FMN2: variants seen among roughly 807,000 people sequenced by gnomAD.
FMN2 encodes the protein formin 2.
Under a neutral mutation model 142.3 loss-of-function variants are expected in FMN2, and 51 were observed. The observed-to-expected ratio is 0.36, with a 90% CI of 0.29 to 0.45. The LOEUF is 0.45. FMN2 is among the 20% of genes least tolerant of loss of function. The pLI is 1.00. For missense variants in FMN2, 1,936 were observed against 2,122.8 expected, an observed-to-expected ratio of 0.91 and a Z score of 1.73; for synonymous variants, 882 against 869.8, an observed-to-expected ratio of 1.01 and a Z score of -0.25.
Position 240,103,262 on chromosome 1 carries a change from C to A in FMN2, c.1615+9538C>A, listed in dbSNP as rs78239525. 3.6e-4 allele frequency among the ~76,000 whole-genome samples: 55 copies of A among 152,314 alleles called. No homozygotes were observed. The East Asian group carries it at 0.01, about 28-fold the overall frequency. On this transcript the variant is annotated intron_variant, in intron 1 of 17. Coordinates refer to ENST00000319653, the MANE Select transcript of FMN2 (RefSeq NM_020066.5). ...ATCATCTGCTTTTGGATAATAAAAG[C>A]TAGGCATGTGGCTTTAGCTTTAGCT...
At chr1:240,144,340 A>G (rs1013128087) in intron 2 of FMN2, 2 of 1,606,260 alleles carry the variant, frequency 1.2e-6, no homozygotes, top group Non-Finnish European at 8.5e-7. Flanking sequence ...TGTAGATGTC[A>G]TCAGGCACCT....
chr1:240,093,537 G>A lies in FMN2; in HGVS notation c.1428G>A (p.Ala476=), dbSNP rs374209120. Residue 476 remains alanine, a synonymous_variant, in exon 1 of 18, where the codon GCG becomes GCA. Transcript: ENST00000319653. The part of the protein sequence containing the change: ...AKKHRADGGL[A]AGLSRSADWT... ...AGCACCGGGCCGACGGCGGCCTTGC[G>A]GCCGGCCTGAGCCGCTCGGCTGACT... 3.2e-5 allele frequency: 51 copies of A among 1,571,418 alleles called. No homozygotes were observed. In the African/African-American group the frequency reaches 5.3e-4, roughly 16 times the overall value.
intron 6 of FMN2, among the ~76,000 whole-genome samples, chr1:240,237,745 G>A (rs1018631562): frequency 1.3e-5 from 2 of 152,012 alleles, no homozygotes; most frequent in Non-Finnish European, 2.9e-5. Flanking sequence ...TCTTGGGAGG[G>A]GTGGGCAGGG....
chr1:240,321,742 TA>T (rs2103001114), intron 8 of FMN2, among the ~76,000 whole-genome samples: 1 of 152,320 alleles, frequency 6.6e-6, no homozygotes, highest in African/African-American at 2.4e-5. Context: ...CAAAAGCAGA[TA>T]CAGATTCCAG....
At position 240,248,289 on chromosome 1, in the gene FMN2, G is replaced by A. The variant is rs186950378; in HGVS notation, c.4066-9656G>A. On this transcript the variant is annotated intron_variant, in intron 6 of 17. Coordinates refer to ENST00000319653, the MANE Select transcript of FMN2 (RefSeq NM_020066.5). ...TCACTTAGAACCTCCTGTTCTATCC[G>A]TGTTGCTGCAAATGACATGATTTTA... 5.8e-4 allele frequency among the ~76,000 whole-genome samples: 88 copies of A among 151,736 alleles called. No individual in the cohort carries two copies. The East Asian group carries it at 9.7e-3, about 17-fold the overall frequency.
chr1:240,276,869 G>T (rs1371595873), intron 7 of FMN2, among the ~76,000 whole-genome samples: 2 of 152,148 alleles, frequency 1.3e-5, no homozygotes, highest in Non-Finnish European at 1.5e-5. Flanking sequence ...ATTTTTCGAG[G>T]CTCTGCCTGG....
chr1:240,205,392 C>T (rs147430847), intron 4 of FMN2, among the ~76,000 whole-genome samples: 3,105 of 151,292 alleles, frequency 0.021, 52 homozygotes, highest in Non-Finnish European at 0.03. Context: ...TCAATTCCTT[C>T]TTCCTCTCTT....
intron 15 of FMN2, among the ~76,000 whole-genome samples, chr1:240,414,896 TA>T (rs1674526644): frequency 6.6e-6 from 1 of 152,088 alleles, no homozygotes; most frequent in Non-Finnish European, 1.5e-5. Flanking sequence ...AAGTGGGAAA[TA>T]GGTCATATAT....
intron 8 of FMN2, among the ~76,000 whole-genome samples, chr1:240,296,241 G>A: frequency 6.7e-6 from 1 of 149,632 alleles, no homozygotes; most frequent in East Asian, 2.0e-4. Context: ...AGGGAGTAAG[G>A]TATTGAAGGA....
intron 8 of FMN2, among the ~76,000 whole-genome samples, chr1:240,326,982 G>A (rs766337178): frequency 8.5e-5 from 13 of 152,096 alleles, no homozygotes; most frequent in Non-Finnish European, 1.8e-4. Context: ...TTAAAAGTCT[G>A]TCTTGTAATA....
Position 240,349,556 on chromosome 1 carries a change from C to T in FMN2, c.4766-6260C>T, listed in dbSNP as rs75320853. Among the ~76,000 whole-genome samples, 876 of 152,092 alleles carry T rather than the reference C, an allele frequency of 5.8e-3. 11 individuals carry two copies. The highest frequency in any genetic ancestry group is 0.02 in the African/African-American group (818 of 41,516). On this transcript the variant is annotated intron_variant, in intron 13 of 17. Transcript: ENST00000319653. ...CATTCCAGGGAGTGGCATGTCATGTCCTTGCTTTAATCTGACAGTGATAAA... is the reference window on the plus strand; with the variant it reads ...CATTCCAGGGAGTGGCATGTCATGTTCTTGCTTTAATCTGACAGTGATAAA...
chr1:240,152,613 C>A (rs1663836647), intron 2 of FMN2, among the ~76,000 whole-genome samples: 1 of 152,222 alleles, frequency 6.6e-6, no homozygotes, highest in Non-Finnish European at 1.5e-5. Context: ...CACAGTGGCC[C>A]TGTTGCCTGT....
chr1:240,252,835 C>G (rs551055553), intron 6 of FMN2, among the ~76,000 whole-genome samples: 2 of 151,494 alleles, frequency 1.3e-5, no homozygotes, highest in Admixed American at 6.6e-5. Context: ...TTTTTTTTAG[C>G]TATTGTTCCA....
chr1:240,391,707 A>G (rs974242852), intron 14 of FMN2, among the ~76,000 whole-genome samples: 3 of 152,164 alleles, frequency 2.0e-5, no homozygotes, highest in Admixed American at 1.3e-4. Context: ...ATCAGAGAGC[A>G]TTGCATGAAA....
At chr1:240,217,945 G>GTTAATTCTTT (rs1257181582) in intron 6 of FMN2, among the ~76,000 whole-genome samples, 5 of 152,134 alleles carry the variant, frequency 3.3e-5, no homozygotes, top group Non-Finnish European at 7.3e-5. Context: ...TTTAATCATA[G>GTTAATTCTTT]TGTAGATAGT....
At chr1:240,439,285 A>AAGAAAGAG in intron 16 of FMN2, among the ~76,000 whole-genome samples, 1 of 151,124 alleles carries the variant, frequency 6.6e-6, no homozygotes, top group Non-Finnish European at 1.5e-5. Context: ...AAAAAAAAGA[A>AAGAAAGAG]AGAAAGAAAG....
At chr1:240,466,436 AT>A (rs1447951205) in intron 16 of FMN2, among the ~76,000 whole-genome samples, 5 of 152,148 alleles carry the variant, frequency 3.3e-5, no homozygotes, top group Non-Finnish European at 5.9e-5. Flanking sequence ...TATTATAAAG[AT>A]TTTTTTAAAG....
chr1:240,219,810 G>A (rs759879905), intron 6 of FMN2, among the ~76,000 whole-genome samples: 4 of 151,838 alleles, frequency 2.6e-5, no homozygotes, highest in South Asian at 2.1e-4. Flanking sequence ...GTGGGCCACC[G>A]AGCCTGGCTA....
At chr1:240,254,645 C>T (rs963779707) in intron 6 of FMN2, among the ~76,000 whole-genome samples, 1 of 152,088 alleles carries the variant, frequency 6.6e-6, no homozygotes, top group Non-Finnish European at 1.5e-5. Flanking sequence ...GTTACCATGG[C>T]AGCAGTTGTA....
Sources: allele counts gnomAD v4.1 joint callset (sites outside exome capture counted in the v4.1 genomes callset), GRCh38; gene constraint gnomAD v4.1.1; transcripts MANE v1.5; gene names NCBI Gene and HGNC (gene_info 2026-07-23, HGNC 2026-07-21).